Variants in ZMAT4 observed in about 807,000 individuals in gnomAD.
ZMAT4 encodes zinc finger matrin-type protein 4.
In ZMAT4, 17 loss-of-function variants were observed where a neutral mutation model predicts 28.7. That is an observed-to-expected ratio of 0.59 (90% CI 0.41 to 0.89). ZMAT4 has a LOEUF of 0.89. Ranked by LOEUF, ZMAT4 falls within the 40% of genes least tolerant of loss-of-function variation. ZMAT4 has a pLI of 0.00. For synonymous variants in ZMAT4, 117 were observed against 109.2 expected (o/e 1.07, Z -0.44); for missense variants, 240 against 283.8 (o/e 0.85, Z 1.11).
intron 3 of ZMAT4, among the ~76,000 whole-genome samples, chr8:40,717,473 A>G (rs1810905703): frequency 6.6e-6 from 1 of 152,094 alleles, no homozygotes; most frequent in East Asian, 1.9e-4. Context: ...TTGGCAACAC[A>G]GTGATACTCC....
At chr8:40,639,993 A>AT (rs1412760465) in intron 5 of ZMAT4, among the ~76,000 whole-genome samples, 4 of 151,870 alleles carry the variant, frequency 2.6e-5, no homozygotes, top group Non-Finnish European at 5.9e-5. Flanking sequence ...GTATGTATGT[A>AT]TTTTTTTGAG....
At chr8:40,719,129 G>C (rs1425673707) in intron 3 of ZMAT4, among the ~76,000 whole-genome samples, 1 of 152,098 alleles carries the variant, frequency 6.6e-6, no homozygotes, top group Non-Finnish European at 1.5e-5. Context: ...TGGTAATTAA[G>C]AAGTTGACAT....
chr8:40,570,975 G>A (rs547062608), intron 6 of ZMAT4, among the ~76,000 whole-genome samples: 5 of 152,250 alleles, frequency 3.3e-5, no homozygotes, highest in Admixed American at 2.6e-4. Flanking sequence ...AAGCAGCATC[G>A]TAAGAACATG....
At chr8:40,589,580 T>C (rs1234751220) in intron 5 of ZMAT4, among the ~76,000 whole-genome samples, 3 of 152,144 alleles carry the variant, frequency 2.0e-5, no homozygotes, top group Non-Finnish European at 4.4e-5. Context: ...GAAGAAACCA[T>C]TGGTCCCTCC....
intron 3 of ZMAT4, among the ~76,000 whole-genome samples, chr8:40,699,642 T>TA (rs1223827504): frequency 1.3e-5 from 2 of 150,946 alleles, no homozygotes; most frequent in African/African-American, 2.4e-5. Context: ...TACTCAGCCA[T>TA]AAAAAAGAAT....
At chr8:40,653,187 A>C (rs1404102911) in intron 5 of ZMAT4, among the ~76,000 whole-genome samples, 1 of 152,152 alleles carries the variant, frequency 6.6e-6, no homozygotes, top group Non-Finnish European at 1.5e-5. Flanking sequence ...AATGGACAGC[A>C]AAAAATATAC....
intron 4 of ZMAT4, among the ~76,000 whole-genome samples, chr8:40,686,969 G>A (rs1332734926): frequency 1.3e-5 from 2 of 152,096 alleles, no homozygotes; most frequent in Non-Finnish European, 2.9e-5. Flanking sequence ...AAGAACATGA[G>A]GCGGGAAAAG....
At chr8:40,785,734 G>T (rs1024278400) in intron 2 of ZMAT4, among the ~76,000 whole-genome samples, 1 of 152,104 alleles carries the variant, frequency 6.6e-6, no homozygotes. Flanking sequence ...CATTCAGGCT[G>T]GACATTTTCT....
chr8:40,654,755 C>T (rs974048144), intron 5 of ZMAT4, among the ~76,000 whole-genome samples: 1 of 152,052 alleles, frequency 6.6e-6, no homozygotes, highest in Non-Finnish European at 1.5e-5. Context: ...CAGCACAACA[C>T]CCTTTCATGC....
intron 1 of ZMAT4, among the ~76,000 whole-genome samples, chr8:40,877,008 T>C (rs1039306732): frequency 2.0e-5 from 3 of 152,352 alleles, no homozygotes; most frequent in Middle Eastern, 6.8e-3. Flanking sequence ...TGCAACTTTA[T>C]TTAGAAAGAA....
chr8:40,638,296 G>A (rs1744635926), intron 5 of ZMAT4, among the ~76,000 whole-genome samples: 1 of 152,186 alleles, frequency 6.6e-6, no homozygotes, highest in African/African-American at 2.4e-5. Context: ...CACAATGGGT[G>A]CATGTATCAA....
At chr8:40,610,434 C>T (rs560405525) in intron 5 of ZMAT4, among the ~76,000 whole-genome samples, 5 of 152,226 alleles carry the variant, frequency 3.3e-5, no homozygotes, top group African/African-American at 1.2e-4. Context: ...GCAATTCATT[C>T]CATGAGGAGA....
intron 5 of ZMAT4, among the ~76,000 whole-genome samples, chr8:40,615,272 G>A (rs1024997542): frequency 6.6e-6 from 1 of 152,168 alleles, no homozygotes; most frequent in African/African-American, 2.4e-5. Flanking sequence ...CTTCTGGCTT[G>A]TAGAGTTTCT....
intron 6 of ZMAT4, among the ~76,000 whole-genome samples, chr8:40,542,620 C>T (rs1484757592): frequency 1.3e-5 from 2 of 152,112 alleles, no homozygotes; most frequent in Admixed American, 1.3e-4. Flanking sequence ...AACTCCTGGC[C>T]TCAACTGATC....
chr8:40,764,335 C>T (rs1220653406), intron 3 of ZMAT4, among the ~76,000 whole-genome samples: 1 of 152,138 alleles, frequency 6.6e-6, no homozygotes, highest in Non-Finnish European at 1.5e-5. Context: ...AAACAGCTGA[C>T]AATGTCAAAA....
chr8:40,550,130 T>C (rs2118417550), intron 6 of ZMAT4, among the ~76,000 whole-genome samples: 2 of 152,258 alleles, frequency 1.3e-5, no homozygotes, highest in Middle Eastern at 6.8e-3. Context: ...TGAGTTGTGA[T>C]GGGTTCTCTT....
At chr8:40,591,633 T>C (rs1216417019) in intron 5 of ZMAT4, among the ~76,000 whole-genome samples, 1 of 152,168 alleles carries the variant, frequency 6.6e-6, no homozygotes, top group African/African-American at 2.4e-5. Context: ...TTACAAAGAC[T>C]GCCTCACCAG....
At chr8:40,819,450 C>G (rs1230328141) in intron 2 of ZMAT4, among the ~76,000 whole-genome samples, 2 of 152,178 alleles carry the variant, frequency 1.3e-5, no homozygotes. Flanking sequence ...CCACCCCTCC[C>G]CTCCTCCAGT....
chr8:40,881,451 GAAAGAAAGAAAGA>G (rs1818230731), intron 1 of ZMAT4, among the ~76,000 whole-genome samples: 1 of 125,058 alleles, frequency 8.0e-6, no homozygotes, highest in Non-Finnish European at 1.7e-5. Context: ...AAGAAAGAAA[GAAAGAAAGAAAGA>G]AAGAAAGAAA....
Sources: gnomAD v4.1 joint callset for allele counts (sites outside exome capture counted in the v4.1 genomes callset) on GRCh38, gnomAD v4.1.1 for gene constraint, MANE v1.5 for transcripts, NCBI Gene and HGNC (gene_info 2026-07-23, HGNC 2026-07-21) for gene names.